Variants in COG5 observed in about 807,000 individuals in gnomAD.
COG5 encodes component of oligomeric golgi complex 5, also known as conserved oligomeric Golgi complex subunit 5.
COG5 carries 86 observed loss-of-function variants against 110.4 expected under a neutral mutation model. The ratio of observed to expected loss-of-function variants is 0.78; its 90% CI spans 0.65 to 0.93. COG5 has a LOEUF of 0.93. COG5 is among the 40% of genes least tolerant of loss of function. COG5 has a pLI of 0.00. For synonymous variants in COG5, 360 were observed against 334.6 expected (o/e 1.08, Z -0.83); for missense variants, 1,077 against 987.0 (o/e 1.09, Z -1.22).
rs867582205 is a variant in COG5 at position 107,397,936 on chromosome 7, T to G, written c.669+14566A>C. 2.0e-5 allele frequency among the ~76,000 whole-genome samples: 3 copies of G among 151,932 alleles called. No homozygotes were observed. In the South Asian group the frequency reaches 6.2e-4, roughly 32 times the overall value. ...GGATTAAATGAAAGAAAAAAAAAGG[T>G]CTTTTTCAACAAAAGGTGCTCAAAA... is the stretch of plus-strand genomic sequence containing the variant. On this transcript the variant is annotated intron_variant, in intron 7 of 21. Coordinates refer to ENST00000297135, the MANE Select transcript of COG5 (RefSeq NM_006348.5).
intron 18 of COG5, among the ~76,000 whole-genome samples, chr7:107,231,078 G>A (rs1333687627): frequency 6.6e-6 from 1 of 152,024 alleles, no homozygotes; most frequent in Non-Finnish European, 1.5e-5. Context: ...CAGTCAGTGT[G>A]GCTCAAGTAA....
chr7:107,560,850 T>A (rs1395437415), intron 1 of COG5, among the ~76,000 whole-genome samples: 2 of 152,122 alleles, frequency 1.3e-5, no homozygotes, highest in African/African-American at 4.8e-5. Context: ...AGTAGGCAGT[T>A]AAAAATATAG....
At chr7:107,501,485 C>A (rs970861347) in intron 6 of COG5, among the ~76,000 whole-genome samples, 2 of 151,904 alleles carry the variant, frequency 1.3e-5, no homozygotes, top group Non-Finnish European at 2.9e-5. Context: ...GAAATGCTTG[C>A]AACTTTAAAA....
Position 107,415,906 on chromosome 7 carries a change from G to GTATA in COG5, c.539-3275_539-3274insTATA, listed in dbSNP as rs1184192280. Reference sequence around the variant, plus strand: ...TGTATATACACACACATACACGTATGTATGTATGTGTGTGTATATACACAC... The same window carrying GTATA: ...TGTATATACACACACATACACGTATGTATATATGTATGTGTGTGTATATACACAC... On this transcript the variant is annotated intron_variant, in intron 6 of 21. Transcript: ENST00000297135. Among the ~76,000 whole-genome samples, 54 of 79,370 alleles carry GTATA rather than the reference G, an allele frequency of 6.8e-4. 12 individuals are homozygous for GTATA. Among genetic ancestry groups the GTATA allele is most frequent in the African/African-American group, 1.8e-3 (47 of 26,512 alleles). The allele number at this position is 79,370 out of a possible 152,430, so 52.1% of individuals were successfully genotyped here. A position where few individuals can be genotyped will look rare whatever the true frequency, so the allele number is the denominator to read the frequency against.
At chr7:107,510,224 CA>C (rs1799393755) in intron 6 of COG5, among the ~76,000 whole-genome samples, 1 of 151,132 alleles carries the variant, frequency 6.6e-6, no homozygotes, top group African/African-American at 2.4e-5. Context: ...AAATGGAAAA[CA>C]AAAAAAGGCA....
chr7:107,527,624 C>G (rs1800871723), intron 5 of COG5, among the ~76,000 whole-genome samples: 1 of 152,160 alleles, frequency 6.6e-6, no homozygotes, highest in East Asian at 1.9e-4. Flanking sequence ...CAACCACAAA[C>G]CTAAATAATC....
At chr7:107,348,946 C>T (rs1277529701) in intron 10 of COG5, among the ~76,000 whole-genome samples, 1 of 151,920 alleles carries the variant, frequency 6.6e-6, no homozygotes, top group Non-Finnish European at 1.5e-5. Context: ...ACTGCAGACT[C>T]GAACTCCTGG....
intron 21 of COG5, chr7:107,209,743 T>C: frequency 1.1e-6 from 1 of 887,224 alleles, no homozygotes; most frequent in Non-Finnish European, 1.3e-6. Flanking sequence ...CCTCGGTTCC[T>C]GGCCCAGGGC....
chr7:107,326,776 A>T (rs1254349213), intron 10 of COG5, among the ~76,000 whole-genome samples: 4 of 152,216 alleles, frequency 2.6e-5, no homozygotes, highest in African/African-American at 9.6e-5. Flanking sequence ...AAATAAAAAA[A>T]TACTAAAATT....
chr7:107,415,430 T>C (rs1792650275), intron 6 of COG5, among the ~76,000 whole-genome samples: 1 of 152,082 alleles, frequency 6.6e-6, no homozygotes, highest in Non-Finnish European at 1.5e-5. Context: ...ACAAACCTTG[T>C]AGAGCTATTT....
intron 19 of COG5, among the ~76,000 whole-genome samples, chr7:107,227,705 G>A (rs1021018097): frequency 1.3e-5 from 2 of 149,566 alleles, no homozygotes; most frequent in African/African-American, 4.9e-5. Context: ...TTTTTTTGGG[G>A]CGGGGGGTGT....
At chr7:107,267,825 G>A (rs1465851055) in intron 14 of COG5, among the ~76,000 whole-genome samples, 1 of 152,140 alleles carries the variant, frequency 6.6e-6, no homozygotes, top group African/African-American at 2.4e-5. Flanking sequence ...GGAGGTTGAG[G>A]TGGGAGGATC....
chr7:107,458,221 A>G (rs142898052), intron 6 of COG5, among the ~76,000 whole-genome samples: 70 of 152,358 alleles, frequency 4.6e-4, no homozygotes, highest in Middle Eastern at 3.4e-3. Flanking sequence ...ACAACCCTGC[A>G]CTACAAAAGC....
chr7:107,468,646 T>C (rs933611978), intron 6 of COG5, among the ~76,000 whole-genome samples: 1 of 152,144 alleles, frequency 6.6e-6, no homozygotes, highest in African/African-American at 2.4e-5. Context: ...GAAATGCAAC[T>C]CACAACTCAT....
chr7:107,499,571 A>T (rs1394558699), intron 6 of COG5, among the ~76,000 whole-genome samples: 1 of 151,878 alleles, frequency 6.6e-6, no homozygotes, highest in African/African-American at 2.4e-5. Flanking sequence ...ATGCCCAGCT[A>T]ATTTTTTGTA....
chr7:107,203,883 A>C lies in COG5; in HGVS notation c.2376-253T>G, dbSNP rs1798550246. The stretch of plus-strand genomic sequence containing the variant: ...ATTGTTCTTAGTGGTCTAGTCATAT[A>C]CTCGGAGTCCTCTGGCTGTGTAAAT... On this transcript the variant is annotated intron_variant, in intron 21 of 21. Transcript: ENST00000297135. Among the ~76,000 whole-genome samples the C allele has an allele frequency of 2.0e-5, 3 of 152,074 alleles. No homozygotes were observed. The South Asian group carries it at 6.2e-4, about 32-fold the overall frequency.
intron 7 of COG5, among the ~76,000 whole-genome samples, chr7:107,400,787 T>C (rs553815855): frequency 1.3e-5 from 2 of 152,248 alleles, no homozygotes; most frequent in Admixed American, 6.5e-5. Flanking sequence ...TTGTGGATTG[T>C]TCACAACAAG....
chr7:107,285,131 G>C (rs957972505), intron 12 of COG5, among the ~76,000 whole-genome samples: 3 of 152,128 alleles, frequency 2.0e-5, no homozygotes, highest in Non-Finnish European at 4.4e-5. Flanking sequence ...GTAAAGTGCT[G>C]GGAAGATAGA....
intron 5 of COG5, among the ~76,000 whole-genome samples, chr7:107,534,823 T>C (rs879096315): frequency 6.6e-6 from 1 of 151,518 alleles, no homozygotes; most frequent in Non-Finnish European, 1.5e-5. Context: ...GCAGACCTAA[T>C]AGACATCTAC....
Sources: gnomAD v4.1 joint callset for allele counts (sites outside exome capture counted in the v4.1 genomes callset) on GRCh38, gnomAD v4.1.1 for gene constraint, MANE v1.5 for transcripts, NCBI Gene and HGNC (gene_info 2026-07-23, HGNC 2026-07-21) for gene names.